RBFOX2: variants seen among roughly 807,000 people sequenced by gnomAD.
RBFOX2 encodes the protein RNA binding protein fox-1 homolog 2.
RBFOX2 carries 10 observed loss-of-function variants against 49.1 expected under a neutral mutation model. The observed-to-expected ratio is 0.20, with a 90% CI of 0.13 to 0.35. The LOEUF (loss-of-function observed/expected upper bound fraction) is 0.35. Ranked by LOEUF, RBFOX2 falls within the 10% of genes least tolerant of loss-of-function variation. RBFOX2 has a pLI of 1.00. For synonymous variants in RBFOX2, 183 were observed against 187.4 expected (o/e 0.98, Z 0.19); for missense variants, 323 against 486.9 (o/e 0.66, Z 3.17).
intron 2 of RBFOX2, among the ~76,000 whole-genome samples, chr22:35,796,742 T>C (rs1364399694): frequency 6.6e-6 from 1 of 152,216 alleles, no homozygotes; most frequent in Non-Finnish European, 1.5e-5. Flanking sequence ...ATCGGCTTAC[T>C]GAGTTACGGA....
intron 1 of RBFOX2, among the ~76,000 whole-genome samples, chr22:35,831,632 A>C (rs1383194039): frequency 6.6e-6 from 1 of 152,192 alleles, no homozygotes; most frequent in Non-Finnish European, 1.5e-5. Flanking sequence ...CAGAAACAAC[A>C]TGGCTTGCAA....
At chr22:35,809,786 A>G in exon 2 of RBFOX2, 1 of 1,613,750 alleles carries the variant, frequency 6.2e-7, no homozygotes, top group Non-Finnish European at 8.5e-7. Flanking sequence ...GTACCGTAAG[A>G]GATCCATTTT....
chr22:35,905,135 G>A (rs1003985799), intron 1 of RBFOX2, among the ~76,000 whole-genome samples: 4 of 152,092 alleles, frequency 2.6e-5, no homozygotes, highest in African/African-American at 9.7e-5. Flanking sequence ...GAATATTTCT[G>A]TCCTGGTTAT....
At chr22:35,941,853 C>T (rs776705598), upstream of RBFOX2, among the ~76,000 whole-genome samples, 17 of 152,310 alleles carry the variant, frequency 1.1e-4, no homozygotes, top group Non-Finnish European at 2.5e-4. Context: ...CTCCACCTGC[C>T]TTAGCACTCT....
upstream of RBFOX2, among the ~76,000 whole-genome samples, chr22:35,966,645 T>C (rs1236809616): frequency 2.6e-5 from 4 of 152,166 alleles, no homozygotes; most frequent in Non-Finnish European, 4.4e-5. Flanking sequence ...TACTCAAATA[T>C]TTTGCCCATT....
intron 1 of RBFOX2, among the ~76,000 whole-genome samples, chr22:35,833,473 C>T (rs985720821): frequency 3.9e-5 from 6 of 152,202 alleles, no homozygotes; most frequent in Admixed American, 2.6e-4. Context: ...GAAGAGCATG[C>T]GAATTTGGGA....
intron 9 of RBFOX2, among the ~76,000 whole-genome samples, chr22:35,750,723 A>T (rs546866563): frequency 6.6e-6 from 1 of 152,354 alleles, no homozygotes; most frequent in Non-Finnish European, 1.5e-5. Flanking sequence ...GACACTGGCA[A>T]TATAATTCAG....
At chr22:35,840,292 C>A in exon 1 of RBFOX2, 5 of 1,612,718 alleles carry the variant, frequency 3.1e-6, no homozygotes, top group Admixed American at 1.7e-5. Context: ...TCTTTTCCAC[C>A]CCCCTCCCCC....
chr22:36,003,596 C>T (rs1488284239), intron 1 of RBFOX2, among the ~76,000 whole-genome samples: 1 of 152,118 alleles, frequency 6.6e-6, no homozygotes, highest in African/African-American at 2.4e-5. Flanking sequence ...GAGTTTTTGG[C>T]TTTTTGGTAA....
intron 1 of RBFOX2, among the ~76,000 whole-genome samples, chr22:35,983,435 T>A (rs373189931): frequency 6.6e-6 from 1 of 152,166 alleles, no homozygotes; most frequent in Non-Finnish European, 1.5e-5. Context: ...CCCTTGGCCA[T>A]TTTTTTACCT....
chr22:35,821,659 C>T (rs1337034604), intron 1 of RBFOX2: 4 of 468,828 alleles, frequency 8.5e-6, no homozygotes. Flanking sequence ...TTCACTCTGT[C>T]AGTCCTTTGA....
chr22:35,823,619 AGTTCT>A (rs1414867509), intron 1 of RBFOX2, among the ~76,000 whole-genome samples: 2 of 152,212 alleles, frequency 1.3e-5, no homozygotes, highest in Non-Finnish European at 2.9e-5. Context: ...ACCATAAATG[AGTTCT>A]GTTAATTCCA....
At chr22:35,840,909 A>T (rs965333366), upstream of RBFOX2, among the ~76,000 whole-genome samples, 5 of 152,224 alleles carry the variant, frequency 3.3e-5, no homozygotes, top group African/African-American at 1.2e-4. Flanking sequence ...AGAAGTGAAA[A>T]GCTATTACAT....
At chr22:35,814,104 G>C (rs949522367) in intron 1 of RBFOX2, among the ~76,000 whole-genome samples, 2 of 152,182 alleles carry the variant, frequency 1.3e-5, no homozygotes, top group African/African-American at 4.8e-5. Context: ...GATAGTAACA[G>C]AGGCGATACA....
At chr22:35,865,175 A>G (rs958552738) in intron 1 of RBFOX2, among the ~76,000 whole-genome samples, 4 of 152,076 alleles carry the variant, frequency 2.6e-5, no homozygotes, top group African/African-American at 9.7e-5. Context: ...CGGCCCTTGG[A>G]AAAAAAGCCT....
intron 1 of RBFOX2, among the ~76,000 whole-genome samples, chr22:35,819,222 T>C (rs1054776471): frequency 1.3e-5 from 2 of 152,194 alleles, no homozygotes; most frequent in African/African-American, 2.4e-5. Flanking sequence ...AGTATAAGTC[T>C]ATAAAAAAAA....
At chr22:35,818,143 T>G (rs964912306) in intron 1 of RBFOX2, among the ~76,000 whole-genome samples, 1 of 152,212 alleles carries the variant, frequency 6.6e-6, no homozygotes, top group Non-Finnish European at 1.5e-5. Context: ...CAACAAACCC[T>G]GTAATAGTCT....
At chr22:35,948,699 T>A (rs1051135325) in intron 1 of RBFOX2, among the ~76,000 whole-genome samples, 2 of 152,112 alleles carry the variant, frequency 1.3e-5, no homozygotes, top group Non-Finnish European at 2.9e-5. Context: ...AAATTTTTTT[T>A]AATTAAAATT....
At chr22:35,977,826 C>T (rs2085368031) in intron 1 of RBFOX2, among the ~76,000 whole-genome samples, 2 of 140,504 alleles carry the variant, frequency 1.4e-5, no homozygotes, top group Admixed American at 1.4e-4. Flanking sequence ...AAAAAAAAAG[C>T]CCTGTCCCCC....
Sources: gnomAD v4.1 joint callset for allele counts (sites outside exome capture counted in the v4.1 genomes callset) on GRCh38, gnomAD v4.1.1 for gene constraint, MANE v1.5 for transcripts, NCBI Gene and HGNC (gene_info 2026-07-23, HGNC 2026-07-21) for gene names.